SVEP1: variants seen among roughly 807,000 people sequenced by gnomAD.
The protein encoded by SVEP1 is sushi, von Willebrand factor type A, EGF and pentraxin domain-containing protein 1.
Under a neutral mutation model 367.3 loss-of-function variants are expected in SVEP1, and 164 were observed. The ratio of observed to expected loss-of-function variants is 0.45; its 90% CI spans 0.39 to 0.51. SVEP1 has a LOEUF of 0.51. Ranked by LOEUF, SVEP1 falls within the 20% of genes least tolerant of loss-of-function variation. The probability of loss-of-function intolerance (pLI) is 0.00; values close to 1 mark genes in which losing one functional copy is unlikely to be tolerated. For synonymous variants in SVEP1, 1,666 were observed against 1,611.6 expected, an observed-to-expected ratio of 1.03 and a Z score of -0.81; for missense variants, 4,117 against 4,425.3, an observed-to-expected ratio of 0.93 and a Z score of 1.98.
chr9:110,460,583 T>C (rs1227469065), intron 18 of SVEP1, among the ~76,000 whole-genome samples: 1 of 152,128 alleles, frequency 6.6e-6, no homozygotes, highest in African/African-American at 2.4e-5. Flanking sequence ...CGAAACACCG[T>C]CTCTACTAAA....
intron 3 of SVEP1, among the ~76,000 whole-genome samples, chr9:110,526,074 T>C (rs1047425582): frequency 2.0e-5 from 3 of 152,078 alleles, no homozygotes; most frequent in African/African-American, 7.2e-5. Flanking sequence ...AATATAAAAC[T>C]ATAACACTTT....
At chr9:110,517,487 A>G (rs1829819626) in intron 3 of SVEP1, among the ~76,000 whole-genome samples, 1 of 150,782 alleles carries the variant, frequency 6.6e-6, no homozygotes, top group Admixed American at 6.6e-5. Flanking sequence ...AATCCCAGCT[A>G]CTTGGGAGGC....
chr9:110,496,977 G>T, intron 7 of SVEP1, 44 bp from the exon 8 acceptor site: 1 of 1,261,300 alleles, frequency 7.9e-7, no homozygotes, highest in Non-Finnish European at 1.1e-6. Context: ...ACTGATATGT[G>T]GTCCTAGATC....
chr9:110,385,677 C>A (rs12347096), intron 43 of SVEP1, among the ~76,000 whole-genome samples: 9,789 of 152,200 alleles, frequency 0.064, 525 homozygotes, highest in African/African-American at 0.15. Context: ...TTTTGAAAAT[C>A]TGTTCAGGTG....
chr9:110,367,730 G>T (rs1827220533), intron 47 of SVEP1, among the ~76,000 whole-genome samples: 1 of 152,066 alleles, frequency 6.6e-6, no homozygotes, highest in African/African-American at 2.4e-5. Flanking sequence ...TTTTTAAACT[G>T]GGACAGTGTA....
At chr9:110,549,563 C>T (rs767108394) in intron 2 of SVEP1, among the ~76,000 whole-genome samples, 5 of 152,148 alleles carry the variant, frequency 3.3e-5, no homozygotes, top group Non-Finnish European at 7.4e-5. Flanking sequence ...GGCCTCAAAA[C>T]ACACCTAAAT....
intron 30 of SVEP1, 45 bp downstream of exon 30, chr9:110,434,291 T>C: frequency 6.4e-7 from 1 of 1,558,488 alleles, no homozygotes; most frequent in South Asian, 1.2e-5. Flanking sequence ...ATGTTTTCAA[T>C]ATTTTTCAAA....
intron 6 of SVEP1, among the ~76,000 whole-genome samples, chr9:110,500,105 G>A (rs1829510105): frequency 6.6e-6 from 1 of 152,134 alleles, no homozygotes; most frequent in Non-Finnish European, 1.5e-5. Context: ...GGCAAAATCT[G>A]TGTGCTACTA....
At chr9:110,397,988 A>AC (rs1231185575) in intron 40 of SVEP1, among the ~76,000 whole-genome samples, 1 of 145,528 alleles carries the variant, frequency 6.9e-6, no homozygotes, top group Admixed American at 7.0e-5. Flanking sequence ...ATTGGAAAAA[A>AC]CTACTTTAAA....
At chr9:110,461,071 C>T (rs1388927908) in intron 18 of SVEP1, among the ~76,000 whole-genome samples, 3 of 152,100 alleles carry the variant, frequency 2.0e-5, no homozygotes, top group Non-Finnish European at 4.4e-5. Flanking sequence ...TTGTGTTAGG[C>T]TTTTTGTAAA....
intron 5 of SVEP1, among the ~76,000 whole-genome samples, chr9:110,506,215 T>C (rs1387247572): frequency 6.6e-6 from 1 of 152,156 alleles, no homozygotes; most frequent in Non-Finnish European, 1.5e-5. Flanking sequence ...ATCCAGTCTA[T>C]CATTAATGGG....
chr9:110,445,333 C>A (rs1430491876), intron 26 of SVEP1, among the ~76,000 whole-genome samples: 1 of 151,960 alleles, frequency 6.6e-6, no homozygotes, highest in Non-Finnish European at 1.5e-5. Context: ...TTAGTGGATT[C>A]TAAAAAAAAT....
chr9:110,375,311 C>T (rs1827333248), intron 46 of SVEP1, 57 bp downstream of exon 46: 1 of 1,438,526 alleles, frequency 7.0e-7, no homozygotes, highest in East Asian at 2.5e-5. Context: ...TCTTCAATGT[C>T]CTCTGGAGTT....
intron 1 of SVEP1, among the ~76,000 whole-genome samples, chr9:110,571,496 C>T (rs1322753261): frequency 6.6e-6 from 1 of 152,124 alleles, no homozygotes; most frequent in Non-Finnish European, 1.5e-5. Flanking sequence ...ATGAGGTGAC[C>T]TGAAGATGAT....
intron 1 of SVEP1, among the ~76,000 whole-genome samples, chr9:110,572,642 A>C (rs1450737567): frequency 6.6e-6 from 1 of 152,016 alleles, no homozygotes; most frequent in Non-Finnish European, 1.5e-5. Context: ...TGGGCTGGTC[A>C]CTTGAGCCCA....
chr9:110,483,481 A>G (rs746864384), intron 10 of SVEP1, 105 bp downstream of exon 10: 12 of 605,096 alleles, frequency 2.0e-5, no homozygotes, highest in Non-Finnish European at 3.0e-5. Context: ...CATTCTCCCT[A>G]GACAGTTGTT....
chr9:110,432,333 C>T lies in SVEP1; in HGVS notation c.5233+129G>A, dbSNP rs1828363168. ...ACATACAGCTGCTTTGTCACTATGGCTTGGCCAGAGCTTACTGGGATGAGA... is the reference window on the plus strand; with the variant it reads ...ACATACAGCTGCTTTGTCACTATGGTTTGGCCAGAGCTTACTGGGATGAGA... On this transcript the variant is annotated intron_variant, in intron 31 of 47. Coordinates refer to ENST00000374469, the MANE Select transcript of SVEP1 (RefSeq NM_153366.4). 5.6e-6 allele frequency: 7 copies of T among 1,239,802 alleles called. No homozygotes were observed. The East Asian group carries it at 1.7e-4, about 30-fold the overall frequency. 76.8% of individuals were successfully genotyped at this position (1,239,802 alleles called of 1,614,324 possible).
In SVEP1 at chr9:110,408,274, T is replaced by C. The variant is rs770354096; in HGVS notation, c.7326A>G (p.Gln2442=). 9 of 1,613,832 alleles carry C rather than the reference T, an allele frequency of 5.6e-6. No individual in the cohort carries two copies. The African/African-American group carries it at 1.2e-4, about 22-fold the overall frequency. ...TGATTCCATTGGGGATTTCCTCAGG[T>C]TGGGGACATTCTACTGGAACACATT... ...LPECVPVECP[Q]PEEIPNGIID... is the part of the protein sequence containing the mutation. Residue 2442 remains glutamine, a synonymous_variant, in exon 38 of 48, where the codon CAA becomes CAG. Coordinates refer to ENST00000374469, the MANE Select transcript of SVEP1 (RefSeq NM_153366.4).
At chr9:110,558,142 T>A (rs1830377345) in intron 1 of SVEP1, among the ~76,000 whole-genome samples, 1 of 152,102 alleles carries the variant, frequency 6.6e-6, no homozygotes, top group Non-Finnish European at 1.5e-5. Context: ...GAAAATATTC[T>A]GTAAATCCAA....
Sources: allele counts gnomAD v4.1 joint callset (sites outside exome capture counted in the v4.1 genomes callset), GRCh38; gene constraint gnomAD v4.1.1; transcripts MANE v1.5; gene names NCBI Gene and HGNC (gene_info 2026-07-23, HGNC 2026-07-21).